Variants in PAM observed in about 807,000 individuals in gnomAD.
PAM encodes peptidyl-glycine alpha-amidating monooxygenase.
In PAM, 72 loss-of-function variants were observed where a neutral mutation model predicts 122.1. That is an observed-to-expected ratio of 0.59 (90% confidence interval 0.49 to 0.72). The LOEUF (loss-of-function observed/expected upper bound fraction) is 0.72. PAM is among the 30% of genes least tolerant of loss of function. The pLI, the probability that PAM is intolerant of heterozygous loss-of-function variation, is 0.00. For missense variants in PAM, 1,106 were observed against 1,183.7 expected, an observed-to-expected ratio of 0.93 and a Z score of 0.96; for synonymous variants, 389 against 404.4, an observed-to-expected ratio of 0.96 and a Z score of 0.46.
chr5:102,825,512 A>G (rs1477036821), intron 1 of PAM, among the ~76,000 whole-genome samples: 5 of 152,196 alleles, frequency 3.3e-5, no homozygotes, highest in African/African-American at 1.2e-4. Flanking sequence ...GATGCTGGGA[A>G]GAACATTTAA....
At chr5:102,921,586 G>A (rs558860280) in intron 5 of PAM, among the ~76,000 whole-genome samples, 13 of 151,908 alleles carry the variant, frequency 8.6e-5, no homozygotes, top group Non-Finnish European at 1.6e-4. Context: ...ATTTTTTATT[G>A]TAAAACAGGG....
chr5:102,914,911 A>T (rs554635194), intron 5 of PAM, among the ~76,000 whole-genome samples: 1 of 152,258 alleles, frequency 6.6e-6, no homozygotes, highest in African/African-American at 2.4e-5. Context: ...ATAAACAATC[A>T]GTAAACCTCT....
At chr5:102,806,000 C>A (rs1385461679) in intron 1 of PAM, among the ~76,000 whole-genome samples, 2 of 152,060 alleles carry the variant, frequency 1.3e-5, no homozygotes, top group East Asian at 3.9e-4. Flanking sequence ...GTGTTAGAGA[C>A]CTCTTGGTTT....
rs190902844 is a variant in PAM at position 102,933,213 on chromosome 5, T to G, written c.526+6545T>G. Reference sequence around the variant, plus strand: ...CACCCTTCTTCCTGTTCTAAATTTATGTGTTAGATACAGAATCTAGATGAG... The same window carrying G: ...CACCCTTCTTCCTGTTCTAAATTTAGGTGTTAGATACAGAATCTAGATGAG... On this transcript the variant is annotated intron_variant, in intron 7 of 25. Transcript: ENST00000438793. Among the ~76,000 whole-genome samples the G allele has an allele frequency of 5.4e-3, 829 of 152,350 alleles. 4 individuals are homozygous for G. Among genetic ancestry groups the G allele is most frequent in the Non-Finnish European group, 7.6e-3 (519 of 68,028 alleles).
intron 14 of PAM, among the ~76,000 whole-genome samples, chr5:102,962,954 T>G (rs1490197206): frequency 2.6e-5 from 4 of 151,846 alleles, no homozygotes; most frequent in Admixed American, 2.6e-4. Flanking sequence ...TCCTGCAGTT[T>G]CTATTTTCTT....
intron 1 of PAM, among the ~76,000 whole-genome samples, chr5:102,762,786 C>G (rs557496762): frequency 3.3e-4 from 51 of 152,240 alleles, no homozygotes; most frequent in African/African-American, 1.2e-3. Context: ...TAATCAGGAG[C>G]GAAGTGGTTC....
intron 1 of PAM, among the ~76,000 whole-genome samples, chr5:102,822,887 TAC>T (rs149035457): frequency 0.064 from 9,671 of 152,134 alleles, 678 homozygotes; most frequent in African/African-American, 0.17. Flanking sequence ...AGACTCCTGC[TAC>T]ACATGTGCCC....
chr5:102,757,870 A>C (rs981262533), intron 1 of PAM, among the ~76,000 whole-genome samples: 1 of 151,740 alleles, frequency 6.6e-6, no homozygotes. Context: ...CCTTCTCTCT[A>C]CAAAAAATAT....
intron 4 of PAM, among the ~76,000 whole-genome samples, chr5:102,905,939 A>C (rs1012369391): frequency 6.6e-6 from 1 of 151,668 alleles, no homozygotes; most frequent in Non-Finnish European, 1.5e-5. Flanking sequence ...TATGATGAAA[A>C]ACAGAAATAA....
intron 1 of PAM, among the ~76,000 whole-genome samples, chr5:102,791,738 A>G (rs965717367): frequency 6.6e-6 from 1 of 152,164 alleles, no homozygotes; most frequent in Admixed American, 6.5e-5. Flanking sequence ...GGCATACTGT[A>G]GTAAATTCCC....
Position 102,975,963 on chromosome 5 carries a change from A to T in PAM, c.1483+1527A>T, listed in dbSNP as rs185358364. On this transcript the variant is annotated intron_variant, in intron 15 of 25. Transcript: ENST00000438793. ...GATATTGCATTTCTGAAACTTACTC[A>T]GTTTTTCTACGAAATAAATCCTTAA... is the stretch of plus-strand genomic sequence containing the variant. Among the ~76,000 whole-genome samples the T allele has an allele frequency of 5.6e-4, 86 of 152,276 alleles. No individual in the cohort carries two copies. In the East Asian group the frequency reaches 0.012, roughly 21 times the overall value.
chr5:102,831,886 C>G (rs1240663046), intron 1 of PAM, among the ~76,000 whole-genome samples: 1 of 152,018 alleles, frequency 6.6e-6, no homozygotes, highest in Admixed American at 6.6e-5. Flanking sequence ...CTCTCTCTCT[C>G]TCTCTCTCCC....
chr5:102,786,871 T>A (rs555317373), intron 1 of PAM, among the ~76,000 whole-genome samples: 1 of 152,160 alleles, frequency 6.6e-6, no homozygotes, highest in Non-Finnish European at 1.5e-5. Flanking sequence ...AAACTCTATA[T>A]CAAAAGTTAT....
In PAM at chr5:103,029,621, T is replaced by A. The variant is rs1244597593; in HGVS notation, c.*556T>A. 1 of 152,598 alleles carries A rather than the reference T, an allele frequency of 6.6e-6. No individual in the cohort carries two copies. The highest frequency in any genetic ancestry group is 1.9e-4 in the East Asian group (1 of 5,198). 9.5% of individuals were successfully genotyped at this position (152,598 alleles called of 1,614,324 possible). On this transcript the variant is annotated 3_prime_UTR_variant, in exon 26 of 26. Transcript: ENST00000438793. ...TTTTAAATTTTCTTCAGTTGGTGTG[T>A]TTTTGGGATGTCTTATTTTTAGATG...
intron 1 of PAM, among the ~76,000 whole-genome samples, chr5:102,771,962 C>G (rs1755910338): frequency 6.6e-6 from 1 of 152,082 alleles, no homozygotes; most frequent in Admixed American, 6.6e-5. Flanking sequence ...TTGTTGAGGT[C>G]ATTTTGTAGA....
In PAM at chr5:102,935,604, G is replaced by A. The variant is rs749528663; in HGVS notation, c.526+8936G>A. Among the ~76,000 whole-genome samples the A allele has an allele frequency of 7.9e-5, 12 of 152,116 alleles. No homozygotes were observed. The South Asian group carries it at 8.3e-4, about 11-fold the overall frequency. On this transcript the variant is annotated intron_variant, in intron 7 of 25. Transcript: ENST00000438793. ...AAATCCTAACAGGTTCCACCAAATC[G>A]CTCGACAGTTTTTCCAGTTTACAAT...
At chr5:102,904,439 T>G (rs1269668314) in intron 4 of PAM, among the ~76,000 whole-genome samples, 1 of 151,544 alleles carries the variant, frequency 6.6e-6, no homozygotes, top group African/African-American at 2.4e-5. Context: ...GAATACTAAA[T>G]AAGGATTTTG....
chr5:102,885,081 C>CTATATATATATATATATATATA (rs72500464), intron 3 of PAM, among the ~76,000 whole-genome samples: 2 of 133,542 alleles, frequency 1.5e-5, no homozygotes, highest in African/African-American at 7.0e-5. Flanking sequence ...TGTTTAATAA[C>CTATATATATATATATATATATA]TATATATATA....
intron 3 of PAM, chr5:102,873,167 T>G (rs1436346976): frequency 6.6e-6 from 1 of 152,204 alleles, no homozygotes; most frequent in African/African-American, 2.4e-5. Flanking sequence ...TTCCTTATCT[T>G]TTCTCTAGTT....
Sources: gnomAD v4.1 joint callset for allele counts (sites outside exome capture counted in the v4.1 genomes callset) on GRCh38, gnomAD v4.1.1 for gene constraint, MANE v1.5 for transcripts, NCBI Gene and HGNC (gene_info 2026-07-23, HGNC 2026-07-21) for gene names.